The following TMEM132D variants were observed in gnomAD, a reference collection of about 807,000 sequenced individuals.
TMEM132D encodes transmembrane protein 132D.
A neutral mutation model predicts 62.3 loss-of-function variants in TMEM132D; 21 were observed. The ratio of observed to expected loss-of-function variants is 0.34; its 90% confidence interval spans 0.24 to 0.49. The LOEUF (loss-of-function observed/expected upper bound fraction) is 0.49. Ranked by LOEUF, TMEM132D falls within the 20% of genes least tolerant of loss-of-function variation. TMEM132D has a pLI of 0.99. For missense variants in TMEM132D, 1,346 were observed against 1,402.8 expected (o/e 0.96, Z 0.65); for synonymous variants, 621 against 575.6 (o/e 1.08, Z -1.13).
At chr12:129,593,342 A>C (rs1158534937) in intron 2 of TMEM132D, among the ~76,000 whole-genome samples, 1 of 152,222 alleles carries the variant, frequency 6.6e-6, no homozygotes, top group African/African-American at 2.4e-5. Context: ...AAGATAAAAA[A>C]TGTGATGTGA....
intron 5 of TMEM132D, among the ~76,000 whole-genome samples, chr12:129,092,615 A>G (rs1241294469): frequency 2.0e-5 from 3 of 152,180 alleles, no homozygotes; most frequent in African/African-American, 7.2e-5. Context: ...GAATCGCTTG[A>G]ACTCAGGAGG....
intron 1 of TMEM132D, among the ~76,000 whole-genome samples, chr12:129,826,618 G>A (rs1205448966): frequency 1.3e-5 from 2 of 152,118 alleles, no homozygotes; most frequent in African/African-American, 4.8e-5. Flanking sequence ...ATAACGACCC[G>A]GTCAGGAAAA....
At chr12:129,161,611 C>T (rs1877402158) in intron 5 of TMEM132D, among the ~76,000 whole-genome samples, 1 of 152,140 alleles carries the variant, frequency 6.6e-6, no homozygotes, top group African/African-American at 2.4e-5. Context: ...ACGGCTTTTG[C>T]CTGTCTCTGA....
chr12:129,841,415 G>A (rs34180477), intron 1 of TMEM132D, among the ~76,000 whole-genome samples: 7,905 of 152,222 alleles, frequency 0.052, 249 homozygotes, highest in Non-Finnish European at 0.08. Context: ...TCGGGGCTGA[G>A]ACATGATGAA....
intron 1 of TMEM132D, among the ~76,000 whole-genome samples, chr12:129,896,747 G>C (rs911408132): frequency 6.6e-6 from 1 of 152,022 alleles, no homozygotes; most frequent in Non-Finnish European, 1.5e-5. Flanking sequence ...CCTAAGAGTG[G>C]AACCTCTTGT....
In TMEM132D at chr12:129,683,440, T is replaced by A. The variant is rs186787078; in HGVS notation, c.968+16370A>T. ...GAACAGTGCTTGGCACAAATAGATA[T>A]TTAATGAGTGCTGGCTATCATTATT... On this transcript the variant is annotated intron_variant, in intron 2 of 8. Coordinates refer to ENST00000422113, the MANE Select transcript of TMEM132D (RefSeq NM_133448.3). Among the ~76,000 whole-genome samples the A allele has an allele frequency of 7.2e-5, 11 of 152,344 alleles. No homozygotes were observed. In the East Asian group the frequency reaches 1.9e-3, roughly 27 times the overall value.
At chr12:129,075,999 T>C (rs1479293426) in intron 8 of TMEM132D, among the ~76,000 whole-genome samples, 1 of 143,270 alleles carries the variant, frequency 7.0e-6, no homozygotes, top group South Asian at 2.6e-4. Context: ...CCCATGACCC[T>C]GCCCGCTGGG....
At chr12:129,800,505 T>C (rs1212523174) in intron 1 of TMEM132D, among the ~76,000 whole-genome samples, 3 of 152,000 alleles carry the variant, frequency 2.0e-5, no homozygotes, top group Admixed American at 6.6e-5. Flanking sequence ...AATCCAGATA[T>C]TGAATATGTA....
chr12:129,726,496 G>C (rs1869042336), intron 1 of TMEM132D, among the ~76,000 whole-genome samples: 1 of 152,316 alleles, frequency 6.6e-6, no homozygotes, highest in South Asian at 2.1e-4. Context: ...GGGAAAAGAA[G>C]AGGGGAGATG....
At chr12:129,319,773 T>C (rs1320278277) in intron 4 of TMEM132D, among the ~76,000 whole-genome samples, 1 of 152,236 alleles carries the variant, frequency 6.6e-6, no homozygotes, top group Non-Finnish European at 1.5e-5. Flanking sequence ...GCAGAAGGTA[T>C]TGTCCTTTCC....
intron 1 of TMEM132D, among the ~76,000 whole-genome samples, chr12:129,800,223 A>C (rs1871720829): frequency 6.6e-6 from 1 of 152,114 alleles, no homozygotes; most frequent in Admixed American, 6.6e-5. Flanking sequence ...ATCTTGCTAT[A>C]ATCTTTCTGA....
At chr12:129,120,780 G>C (rs541527921) in intron 5 of TMEM132D, among the ~76,000 whole-genome samples, 1 of 151,970 alleles carries the variant, frequency 6.6e-6, no homozygotes, top group South Asian at 2.1e-4. Flanking sequence ...ACACATAAAC[G>C]GTCTGTACAG....
Position 129,699,955 on chromosome 12 carries a change from T to C in TMEM132D, c.823A>G (p.Thr275Ala). The change falls in exon 2 of 9, where the codon ACA (threonine) becomes GCA (alanine). Residue 275 changes from threonine (T) to alanine (A), a missense_variant. Coordinates refer to ENST00000422113, the MANE Select transcript of TMEM132D (RefSeq NM_133448.3). Reference protein sequence around the residue: ...QRIGSIFLYQTHRKPSLRELR... With the variant: ...QRIGSIFLYQAHRKPSLRELR... ...TCTCTCAGGGAGGGTTTCCTGTGTG[T>C]CTGATAAAGGAAGATGCTCCCGATC... is the stretch of plus-strand genomic sequence containing the variant. 1 of 1,614,150 alleles carries C rather than the reference T, an allele frequency of 6.2e-7. No individual in the cohort carries two copies. The highest frequency in any genetic ancestry group is 8.5e-7 in the Non-Finnish European group (1 of 1,180,026).
intron 2 of TMEM132D, among the ~76,000 whole-genome samples, chr12:129,594,093 C>A (rs1415182098): frequency 6.6e-6 from 1 of 152,170 alleles, no homozygotes; most frequent in African/African-American, 2.4e-5. Flanking sequence ...AGTGCAAGAG[C>A]AAATATCCCT....
At chr12:129,409,468 T>G (rs1276547537) in intron 3 of TMEM132D, among the ~76,000 whole-genome samples, 2 of 152,166 alleles carry the variant, frequency 1.3e-5, no homozygotes, top group Non-Finnish European at 2.9e-5. Context: ...TGTAAAAACT[T>G]TCTACGTTTT....
intron 1 of TMEM132D, among the ~76,000 whole-genome samples, chr12:129,873,429 C>A (rs1874319767): frequency 6.6e-6 from 1 of 152,202 alleles, no homozygotes; most frequent in East Asian, 1.9e-4. Flanking sequence ...GAGAACCAGA[C>A]TGCCGTCGCC....
intron 1 of TMEM132D, among the ~76,000 whole-genome samples, chr12:129,874,982 A>G (rs953688098): frequency 6.6e-6 from 1 of 152,218 alleles, no homozygotes; most frequent in Non-Finnish European, 1.5e-5. Context: ...CGGGCTGCAC[A>G]TTATTTTAAT....
intron 3 of TMEM132D, among the ~76,000 whole-genome samples, chr12:129,387,232 ACTAACACTAATG>A (rs1385195682): frequency 1.7e-5 from 2 of 119,434 alleles, no homozygotes; most frequent in East Asian, 2.2e-4. Flanking sequence ...CTAATATAAC[ACTAACACTAATG>A]CTAACACTAA....
intron 4 of TMEM132D, among the ~76,000 whole-genome samples, chr12:129,320,447 C>T (rs191961190): frequency 6.6e-6 from 1 of 152,248 alleles, no homozygotes; most frequent in East Asian, 1.9e-4. Flanking sequence ...TGTGAATTTC[C>T]TAACCCTTTT....
Sources: gnomAD v4.1 joint callset for allele counts (sites outside exome capture counted in the v4.1 genomes callset) on GRCh38, gnomAD v4.1.1 for gene constraint, MANE v1.5 for transcripts, NCBI Gene and HGNC (gene_info 2026-07-23, HGNC 2026-07-21) for gene names.